BANK1: variants seen among roughly 807,000 people sequenced by gnomAD.
BANK1 encodes B-cell scaffold protein with ankyrin repeats.
BANK1 carries 95 observed loss-of-function variants against 94.5 expected under a neutral mutation model. The observed-to-expected ratio is 1.00, with a 90% CI of 0.85 to 1.19. BANK1 has a LOEUF of 1.19. BANK1 is among the 50% of genes most tolerant of loss of function. BANK1 has a pLI of 0.00. For synonymous variants in BANK1, 334 were observed against 308.4 expected (o/e 1.08, Z -0.87); for missense variants, 987 against 932.2 (o/e 1.06, Z -0.77).
At chr4:101,841,489 A>T (rs972398287) in intron 2 of BANK1, among the ~76,000 whole-genome samples, 4 of 152,170 alleles carry the variant, frequency 2.6e-5, no homozygotes, top group Non-Finnish European at 4.4e-5. Flanking sequence ...CCCAGAGATG[A>T]TATATTGACA....
At chr4:101,947,461 A>T (rs1723975155) in intron 7 of BANK1, among the ~76,000 whole-genome samples, 1 of 151,270 alleles carries the variant, frequency 6.6e-6, no homozygotes, top group African/African-American at 2.4e-5. Context: ...ACTGAAGAAT[A>T]CATCATTTAA....
intron 5 of BANK1, among the ~76,000 whole-genome samples, chr4:101,874,077 G>T (rs140503236): frequency 7.9e-5 from 12 of 152,122 alleles, no homozygotes; most frequent in Non-Finnish European, 1.8e-4. Flanking sequence ...TAGTAAAAAG[G>T]TATCTTTGTT....
At chr4:101,818,908 G>C (rs973155103) in intron 1 of BANK1, among the ~76,000 whole-genome samples, 1 of 149,808 alleles carries the variant, frequency 6.7e-6, no homozygotes, top group Non-Finnish European at 1.5e-5. Context: ...TGTGAGAATG[G>C]GATTCGACAG....
intron 7 of BANK1, among the ~76,000 whole-genome samples, chr4:101,932,428 T>G (rs1723387183): frequency 6.6e-6 from 1 of 151,556 alleles, no homozygotes; most frequent in Non-Finnish European, 1.5e-5. Flanking sequence ...GGGACTTTTC[T>G]TTAAATTTCA....
chr4:101,864,908 G>C (rs1560607387), intron 4 of BANK1, among the ~76,000 whole-genome samples: 1 of 152,124 alleles, frequency 6.6e-6, no homozygotes, highest in Non-Finnish European at 1.5e-5. Flanking sequence ...GGCTTTCTCT[G>C]AAATGAGGAT....
intron 7 of BANK1, chr4:101,972,383 C>A (rs1412402601): frequency 6.6e-6 from 1 of 151,978 alleles, no homozygotes; most frequent in Non-Finnish European, 1.5e-5. Flanking sequence ...TTGTATCCTG[C>A]AACTTTACTG....
At chr4:102,010,314 C>A (rs139899100) in intron 7 of BANK1, among the ~76,000 whole-genome samples, 2 of 151,924 alleles carry the variant, frequency 1.3e-5, no homozygotes, top group East Asian at 3.9e-4. Flanking sequence ...AATTGAAGTC[C>A]TTTTACCAGT....
At chr4:102,023,994 AT>A (rs1393125131) in intron 8 of BANK1, among the ~76,000 whole-genome samples, 1 of 152,340 alleles carries the variant, frequency 6.6e-6, no homozygotes, top group South Asian at 2.1e-4. Context: ...ACAAAAACAA[AT>A]AACTATCCAC....
At chr4:101,996,994 C>T (rs538219140) in intron 7 of BANK1, among the ~76,000 whole-genome samples, 1 of 152,186 alleles carries the variant, frequency 6.6e-6, no homozygotes, top group African/African-American at 2.4e-5. Context: ...GAGAGGGCAT[C>T]CTTGTCTTTT....
In BANK1 at chr4:101,906,937, T is replaced by C. The variant is rs28796699; in HGVS notation, c.1010-11056T>C. Among the ~76,000 whole-genome samples, 1,085 of 152,198 alleles carry C rather than the reference T, an allele frequency of 7.1e-3. 13 individuals carry two copies. The highest frequency in any genetic ancestry group is 0.024 in the African/African-American group (1,011 of 41,514). Reference sequence around the variant, plus strand: ...ATGCACCCACAGAAATATACAGGTGTGAAGTGGGAAATCAGGGGTCTCACA... The same window carrying C: ...ATGCACCCACAGAAATATACAGGTGCGAAGTGGGAAATCAGGGGTCTCACA... On this transcript the variant is annotated intron_variant, in intron 6 of 16. Transcript: ENST00000322953.
chr4:101,962,724 C>T (rs971309005), intron 7 of BANK1, among the ~76,000 whole-genome samples: 29 of 152,032 alleles, frequency 1.9e-4, no homozygotes, highest in African/African-American at 6.3e-4. Flanking sequence ...GAATATTCTG[C>T]GATATACATT....
At chr4:102,038,768 C>T (rs1181621963) in intron 10 of BANK1, among the ~76,000 whole-genome samples, 1 of 152,032 alleles carries the variant, frequency 6.6e-6, no homozygotes, top group Non-Finnish European at 1.5e-5. Flanking sequence ...CAAATGAAAA[C>T]AATTTGTGTT....
At chr4:102,064,612 A>G (rs1222345250) in intron 13 of BANK1, among the ~76,000 whole-genome samples, 1 of 152,252 alleles carries the variant, frequency 6.6e-6, no homozygotes, top group Non-Finnish European at 1.5e-5. Flanking sequence ...TGCCTTAATT[A>G]TGAATCAATT....
intron 1 of BANK1, among the ~76,000 whole-genome samples, chr4:101,829,071 C>G (rs1034934072): frequency 6.6e-6 from 1 of 151,928 alleles, no homozygotes; most frequent in Non-Finnish European, 1.5e-5. Context: ...ACTGTGTTAG[C>G]TAGAATGGTC....
intron 1 of BANK1, among the ~76,000 whole-genome samples, chr4:101,829,307 C>A (rs1218649775): frequency 6.6e-6 from 1 of 151,850 alleles, no homozygotes; most frequent in Non-Finnish European, 1.5e-5. Flanking sequence ...GTATATTATT[C>A]TCTTCTACGT....
At chr4:102,041,773 A>G (rs970198591) in intron 10 of BANK1, among the ~76,000 whole-genome samples, 6 of 152,034 alleles carry the variant, frequency 3.9e-5, no homozygotes, top group African/African-American at 1.4e-4. Context: ...AATCGCGACA[A>G]TAAATATCCT....
At chr4:101,895,432 CAATT>C (rs1722039554) in intron 6 of BANK1, 22 bp downstream of exon 6, 1 of 1,378,526 alleles carries the variant, frequency 7.3e-7, no homozygotes, top group Non-Finnish European at 1.0e-6. Flanking sequence ...CCAGCTGCAT[CAATT>C]ATTCTTTTTA....
intron 7 of BANK1, among the ~76,000 whole-genome samples, chr4:101,957,922 G>A (rs1354610289): frequency 6.8e-6 from 1 of 146,432 alleles, no homozygotes; most frequent in East Asian, 2.1e-4. Flanking sequence ...TCAGCTCACT[G>A]AAAGCTCCGC....
At chr4:101,874,197 T>G (rs1244197761) in intron 5 of BANK1, among the ~76,000 whole-genome samples, 2 of 152,208 alleles carry the variant, frequency 1.3e-5, no homozygotes, top group Non-Finnish European at 2.9e-5. Flanking sequence ...TATTATTCAA[T>G]CTTTGATTTG....
Sources: allele counts gnomAD v4.1 joint callset (sites outside exome capture counted in the v4.1 genomes callset), GRCh38; gene constraint gnomAD v4.1.1; transcripts MANE v1.5; gene names NCBI Gene and HGNC (gene_info 2026-07-23, HGNC 2026-07-21).